The following PLXNA4 variants were observed in gnomAD, a reference collection of about 807,000 sequenced individuals.
PLXNA4 encodes plexin-A4.
PLXNA4 carries 44 observed loss-of-function variants against 191.8 expected under a neutral mutation model. The observed-to-expected ratio is 0.23, with a 90% CI of 0.18 to 0.29. The LOEUF is 0.29. Ranked by LOEUF, PLXNA4 falls within the 10% of genes least tolerant of loss-of-function variation. PLXNA4 has a pLI of 1.00. For synonymous variants in PLXNA4, 1,082 were observed against 1,009.5 expected (o/e 1.07, Z -1.36); for missense variants, 1,800 against 2,488.8 (o/e 0.72, Z 5.89).
intron 25 of PLXNA4, among the ~76,000 whole-genome samples, 160 bp from the exon 26 acceptor site, chr7:132,148,806 G>T (rs549798991): frequency 6.6e-6 from 1 of 152,248 alleles, no homozygotes; most frequent in African/African-American, 2.4e-5. Context: ...AGCTCTCAAC[G>T]CAGAGAGGCC....
chr7:132,647,447 A>G (rs1343376246), intron 1 of PLXNA4, among the ~76,000 whole-genome samples: 4 of 152,152 alleles, frequency 2.6e-5, no homozygotes, highest in Non-Finnish European at 1.5e-5. Flanking sequence ...ATGCACTCAC[A>G]CACTTACATA....
At chr7:132,379,310 C>T (rs769069752) in intron 3 of PLXNA4, among the ~76,000 whole-genome samples, 2 of 152,194 alleles carry the variant, frequency 1.3e-5, no homozygotes, top group Non-Finnish European at 2.9e-5. Context: ...AGGGTGATTA[C>T]ACCAGGCAGT....
At chr7:132,213,340 T>C (rs1033616340) in intron 9 of PLXNA4, among the ~76,000 whole-genome samples, 3 of 152,252 alleles carry the variant, frequency 2.0e-5, no homozygotes, top group African/African-American at 7.2e-5. Context: ...CACTGAACTA[T>C]ATCCTTAAAA....
At chr7:132,292,488 T>C (rs1800929505) in intron 4 of PLXNA4, among the ~76,000 whole-genome samples, 1 of 152,242 alleles carries the variant, frequency 6.6e-6, no homozygotes, top group Admixed American at 6.5e-5. Context: ...CTCAGAATCC[T>C]GCCATCTCTA....
intron 1 of PLXNA4, among the ~76,000 whole-genome samples, chr7:132,563,111 C>CTT (rs1801389931): frequency 1.1e-5 from 1 of 87,968 alleles, no homozygotes; most frequent in Non-Finnish European, 2.4e-5. Flanking sequence ...TCCTCCTCTC[C>CTT]CTCCTCCTCC....
intron 2 of PLXNA4, among the ~76,000 whole-genome samples, chr7:132,638,455 C>A (rs1168051138): frequency 1.3e-5 from 2 of 152,130 alleles, no homozygotes; most frequent in Non-Finnish European, 2.9e-5. Flanking sequence ...AGTTCGAGAC[C>A]AGCCTGGCCA....
intron 3 of PLXNA4, among the ~76,000 whole-genome samples, chr7:132,313,957 G>A (rs778451551): frequency 2.6e-5 from 4 of 152,062 alleles, no homozygotes; most frequent in African/African-American, 4.8e-5. Context: ...TTCCCTTCAC[G>A]TTGCCCCCAG....
Position 132,524,688 on chromosome 7 carries a change from G to A in PLXNA4, c.-86-15909C>T, listed in dbSNP as rs1038047712. Among the ~76,000 whole-genome samples the A allele has an allele frequency of 2.0e-5, 3 of 152,010 alleles. No individual in the cohort carries two copies. The South Asian group carries it at 6.2e-4, about 32-fold the overall frequency. On this transcript the variant is annotated intron_variant, in intron 1 of 31. Coordinates refer to ENST00000321063, the MANE Select transcript of PLXNA4 (RefSeq NM_020911.2). ...CCTCCCGGGTTCATGCCATTCTCCT[G>A]CCTCAGCCTCCTGAGTAGCTCGGTG... is the stretch of plus-strand genomic sequence containing the variant.
At chr7:132,271,031 T>C (rs994701582) in intron 4 of PLXNA4, 1 of 152,144 alleles carries the variant, frequency 6.6e-6, no homozygotes, top group Non-Finnish European at 1.5e-5. Flanking sequence ...TCTAGTGGAA[T>C]GTAAGTGAAA....
intron 4 of PLXNA4, among the ~76,000 whole-genome samples, chr7:132,290,230 A>G (rs772628776): frequency 2.6e-5 from 4 of 152,238 alleles, no homozygotes; most frequent in Non-Finnish European, 5.9e-5. Context: ...CAGATCCCCA[A>G]AGCAGAAATG....
chr7:132,276,729 G>A (rs1471428221), intron 4 of PLXNA4, among the ~76,000 whole-genome samples: 2 of 152,168 alleles, frequency 1.3e-5, no homozygotes, highest in African/African-American at 4.8e-5. Flanking sequence ...AAAGGATGGA[G>A]AGGAAGAAAA....
chr7:132,391,564 G>A (rs904902709), intron 3 of PLXNA4, among the ~76,000 whole-genome samples: 9 of 152,180 alleles, frequency 5.9e-5, no homozygotes, highest in African/African-American at 1.2e-4. Context: ...AAGGAGAATC[G>A]TGTAGGGCAG....
intron 3 of PLXNA4, among the ~76,000 whole-genome samples, chr7:132,340,356 G>A (rs926080213): frequency 1.3e-5 from 2 of 152,220 alleles, no homozygotes; most frequent in African/African-American, 4.8e-5. Flanking sequence ...AAAGAGCAGA[G>A]GGCACTGTTG....
In PLXNA4 at chr7:132,178,748, T is replaced by TACACAC. The variant is rs55690930; in HGVS notation, c.3874+933_3874+938dup. ...CACACACACTTGTAAATGAAACACA[T>TACACAC]ACACACACACACACACACACACACA... On this transcript the variant is annotated intron_variant, in intron 20 of 31. Coordinates refer to ENST00000321063, the MANE Select transcript of PLXNA4 (RefSeq NM_020911.2). Among the ~76,000 whole-genome samples, 14 of 103,256 alleles carry TACACAC rather than the reference T, an allele frequency of 1.4e-4. 1 individual carries two copies. Among genetic ancestry groups the TACACAC allele is most frequent in the Middle Eastern group, 0.012 (2 of 166 alleles). The allele number at this position is 103,256 out of a possible 152,430, so 67.7% of individuals were successfully genotyped here.
chr7:132,515,367 G>A (rs548056235), intron 1 of PLXNA4, among the ~76,000 whole-genome samples: 3 of 152,202 alleles, frequency 2.0e-5, no homozygotes, highest in Admixed American at 6.5e-5. Flanking sequence ...TGTACTTTCC[G>A]GTTACGCAAG....
At chr7:132,248,225 C>T (rs1337340768) in intron 4 of PLXNA4, among the ~76,000 whole-genome samples, 1 of 152,194 alleles carries the variant, frequency 6.6e-6, no homozygotes, top group Non-Finnish European at 1.5e-5. Context: ...AATGAACCCA[C>T]ATGGAGAGAG....
intron 3 of PLXNA4, among the ~76,000 whole-genome samples, chr7:132,386,284 T>TG (rs1463139000): frequency 1.3e-5 from 2 of 152,174 alleles, no homozygotes; most frequent in African/African-American, 4.8e-5. Context: ...AGACAGCCTC[T>TG]GCAGGGAGAA....
In PLXNA4 at chr7:132,228,486, C is replaced by T. The variant is rs199865854; in HGVS notation, c.1605-17G>A. The stretch of plus-strand genomic sequence containing the variant: ...CGGGTGCAACTGGGAAGGACATACC[C>T]TCGAGTTACTCAGGAGATGGCCGCT... On this transcript the variant is annotated splice_polypyrimidine_tract_variant and intron_variant, in intron 5 of 31. Coordinates refer to ENST00000321063, the MANE Select transcript of PLXNA4 (RefSeq NM_020911.2). The T allele has an allele frequency of 6.1e-4, 978 of 1,613,678 alleles. 1 individual carries two copies. The highest frequency in any genetic ancestry group is 7.5e-4 in the Non-Finnish European group (887 of 1,179,636).
rs76872722 is a variant in PLXNA4 at position 132,177,957 on chromosome 7, T to G, written c.3874+1730A>C. Among the ~76,000 whole-genome samples, 1,067 of 152,212 alleles carry G rather than the reference T, an allele frequency of 7.0e-3. 10 individuals are homozygous for G. The highest frequency in any genetic ancestry group is 0.024 in the African/African-American group (1,015 of 41,538). On this transcript the variant is annotated intron_variant, in intron 20 of 31. Transcript: ENST00000321063. The stretch of plus-strand genomic sequence containing the variant: ...TGAGAGCCCCAGGTATGGGGCCGGA[T>G]TTACTCCATGTACAAATCTACAGCA...
Sources: gnomAD v4.1 joint callset for allele counts (sites outside exome capture counted in the v4.1 genomes callset) on GRCh38, gnomAD v4.1.1 for gene constraint, MANE v1.5 for transcripts, NCBI Gene and HGNC (gene_info 2026-07-23, HGNC 2026-07-21) for gene names.